MAP3K5: variants seen among roughly 807,000 people sequenced by gnomAD.
The protein encoded by MAP3K5 is ASK-1.
In MAP3K5, 56 loss-of-function variants were observed where a neutral mutation model predicts 158.7. The ratio of observed to expected loss-of-function variants is 0.35; its 90% CI spans 0.28 to 0.44. MAP3K5 has a LOEUF of 0.44. Among genes scored for constraint, MAP3K5 ranks in the 20% least tolerant of loss-of-function variants. The probability of loss-of-function intolerance (pLI) is 1.00; values close to 1 mark genes in which losing one functional copy is unlikely to be tolerated. For synonymous variants in MAP3K5, 579 were observed against 601.7 expected (o/e 0.96, Z 0.55); for missense variants, 1,294 against 1,674.8 (o/e 0.77, Z 3.97).
rs1198624604 is a variant in MAP3K5, at chr6:136,790,968, CTTA to C, written c.448+739_448+741del. Reference sequence around the variant, plus strand: ...CAATCACTTTAATGGCGAAACTAATCTTATTATTAGGATAGCATACAGGTGTTT... The same window carrying C: ...CAATCACTTTAATGGCGAAACTAATCTTATTAGGATAGCATACAGGTGTTT... On this transcript the variant is annotated intron_variant, in intron 1 of 29. Coordinates refer to ENST00000359015, the MANE Select transcript of MAP3K5 (RefSeq NM_005923.4). 9.0e-4 allele frequency among the ~76,000 whole-genome samples: 137 copies of C among 152,292 alleles called. 1 individual carries two copies. Among genetic ancestry groups the C allele is most frequent in the Non-Finnish European group, 8.8e-5 (6 of 68,018 alleles).
chr6:136,744,648 CCAGCACCTACACCA>C, intron 1 of MAP3K5, among the ~76,000 whole-genome samples: 1 of 152,330 alleles, frequency 6.6e-6, no homozygotes, highest in Middle Eastern at 3.4e-3. Context: ...ACACCCCTCA[CCAGCACCTACACCA>C]GGGAGTTCTG....
At chr6:136,560,563 T>G (rs1197211089) in intron 28 of MAP3K5, among the ~76,000 whole-genome samples, 4 of 152,188 alleles carry the variant, frequency 2.6e-5, no homozygotes, top group Non-Finnish European at 4.4e-5. Context: ...AGAAAATATT[T>G]CTGAAATAAG....
At position 136,637,406 on chromosome 6, in the gene MAP3K5, C is replaced by A; in HGVS notation, c.1935G>T (p.Lys645Asn). ...IYFCTELHCK[K>N]FFEMVNTITE... ...TAATGGTGTTCACCATCTCAAAAAA[C>A]CTACAATACAAGTTAGCACGTGAGC... The change falls in exon 14 of 30, where the codon AAG becomes AAT. Residue 645 changes from lysine (K) to asparagine (N), a missense_variant and splice_region_variant. By Grantham distance (94) the Lys-to-Asn change is moderately conservative. Coordinates refer to ENST00000359015, the MANE Select transcript of MAP3K5 (RefSeq NM_005923.4). 5.7e-6 allele frequency: 9 copies of A among 1,568,000 alleles called. No homozygotes were observed. The highest frequency in any genetic ancestry group is 7.9e-6 in the Non-Finnish European group (9 of 1,137,884).
chr6:136,683,084 G>GTAT (rs1780002482), intron 7 of MAP3K5, among the ~76,000 whole-genome samples: 1 of 152,178 alleles, frequency 6.6e-6, no homozygotes, highest in African/African-American at 2.4e-5. Context: ...CACTAAAGAT[G>GTAT]TATTAACACC....
chr6:136,588,930 T>G (rs1775259704), intron 23 of MAP3K5, among the ~76,000 whole-genome samples: 1 of 152,198 alleles, frequency 6.6e-6, no homozygotes, highest in African/African-American at 2.4e-5. Context: ...AGGACCCAAG[T>G]CAAGGTTTTT....
chr6:136,772,242 G>T (rs988923621), intron 1 of MAP3K5, among the ~76,000 whole-genome samples: 5 of 151,790 alleles, frequency 3.3e-5, no homozygotes, highest in Admixed American at 2.0e-4. Context: ...TTTTGAGGGG[G>T]GGGGAGACCT....
chr6:136,700,825 C>T (rs1780821129), intron 3 of MAP3K5, among the ~76,000 whole-genome samples: 1 of 152,100 alleles, frequency 6.6e-6, no homozygotes, highest in African/African-American at 2.4e-5. Context: ...TAGAAAAAGG[C>T]AGAGGCTGAG....
At chr6:136,622,720 G>A in intron 15 of MAP3K5, 128 bp downstream of exon 15, 2 of 1,006,604 alleles carry the variant, frequency 2.0e-6, no homozygotes, top group Non-Finnish European at 3.0e-6. Context: ...CGAAACCTCA[G>A]AAGGAGCTAA....
At chr6:136,734,614 G>A (rs1782376497) in intron 1 of MAP3K5, among the ~76,000 whole-genome samples, 1 of 152,018 alleles carries the variant, frequency 6.6e-6, no homozygotes, top group Non-Finnish European at 1.5e-5. Context: ...CAGTCCTTAA[G>A]TAATAAATCT....
At chr6:136,770,959 TTATTA>T (rs1475718519) in intron 1 of MAP3K5, among the ~76,000 whole-genome samples, 1 of 152,202 alleles carries the variant, frequency 6.6e-6, no homozygotes, top group African/African-American at 2.4e-5. Context: ...ATACAACTCC[TTATTA>T]TATTAAAGGA....
chr6:136,731,578 A>C lies in MAP3K5; in HGVS notation c.449-10989T>G, dbSNP rs185164602. Among the ~76,000 whole-genome samples the C allele has an allele frequency of 1.4e-3, 208 of 152,324 alleles. 2 individuals carry two copies. The highest frequency in any genetic ancestry group is 2.4e-3 in the Non-Finnish European group (166 of 68,030). On this transcript the variant is annotated intron_variant, in intron 1 of 29. Transcript: ENST00000359015. Reference sequence around the variant, plus strand: ...ATCTTATCTCAAGATCCTTCACTTCATCATATCTGCAAAGACTCGTTTTCC... The same window carrying C: ...ATCTTATCTCAAGATCCTTCACTTCCTCATATCTGCAAAGACTCGTTTTCC...
intron 1 of MAP3K5, among the ~76,000 whole-genome samples, chr6:136,749,326 T>C (rs1278130125): frequency 6.7e-6 from 1 of 148,290 alleles, no homozygotes; most frequent in African/African-American, 2.5e-5. Flanking sequence ...TGAGCCAAGA[T>C]CATGCTACTG....
At chr6:136,755,482 G>A (rs1436593812) in intron 1 of MAP3K5, among the ~76,000 whole-genome samples, 1 of 152,104 alleles carries the variant, frequency 6.6e-6, no homozygotes, top group African/African-American at 2.4e-5. Flanking sequence ...CCAGGCAGGA[G>A]GACCGCCTGA....
chr6:136,781,692 G>A (rs1784617829), intron 1 of MAP3K5, among the ~76,000 whole-genome samples: 1 of 152,146 alleles, frequency 6.6e-6, no homozygotes. Flanking sequence ...ATAATCAAAG[G>A]AGGAGGAGTA....
intron 3 of MAP3K5, among the ~76,000 whole-genome samples, chr6:136,704,343 G>A (rs1315041050): frequency 6.6e-6 from 1 of 152,064 alleles, no homozygotes; most frequent in Non-Finnish European, 1.5e-5. Context: ...TCATATCAAG[G>A]CTTCACTGAG....
intron 8 of MAP3K5, among the ~76,000 whole-genome samples, chr6:136,667,440 C>A (rs1415254338): frequency 3.9e-5 from 6 of 152,160 alleles, no homozygotes; most frequent in Admixed American, 2.6e-4. Flanking sequence ...TTATTTCAGG[C>A]TGGGCAAGGT....
chr6:136,698,436 G>A, intron 4 of MAP3K5, 53 bp downstream of exon 4: 1 of 1,462,562 alleles, frequency 6.8e-7, no homozygotes. Flanking sequence ...AAATAAAGAT[G>A]TAGAATAACA....
chr6:136,752,001 A>G (rs1783231243), intron 1 of MAP3K5, among the ~76,000 whole-genome samples: 1 of 152,166 alleles, frequency 6.6e-6, no homozygotes, highest in African/African-American at 2.4e-5. Context: ...ATCTTAATTT[A>G]CTTTTCATTC....
At chr6:136,630,789 G>A (rs1777311913) in intron 14 of MAP3K5, among the ~76,000 whole-genome samples, 2 of 152,178 alleles carry the variant, frequency 1.3e-5, no homozygotes, top group African/African-American at 2.4e-5. Flanking sequence ...TGTTTAGGGA[G>A]CCAATTCTTT....
Sources: gnomAD v4.1 joint callset for allele counts (sites outside exome capture counted in the v4.1 genomes callset) on GRCh38, gnomAD v4.1.1 for gene constraint, MANE v1.5 for transcripts, NCBI Gene and HGNC (gene_info 2026-07-23, HGNC 2026-07-21) for gene names.